The following SLC24A2 variants were observed in gnomAD, a reference collection of about 807,000 sequenced individuals.
The protein encoded by SLC24A2 is sodium/potassium/calcium exchanger 2.
Under a neutral mutation model 62.0 loss-of-function variants are expected in SLC24A2, and 36 were observed. That is an observed-to-expected ratio of 0.58 (90% CI 0.44 to 0.77). The LOEUF (loss-of-function observed/expected upper bound fraction) is 0.77, where lower values mean the gene tolerates loss of function less well. Among genes scored for constraint, SLC24A2 ranks in the 30% least tolerant of loss-of-function variants. The pLI is 0.00. For missense variants in SLC24A2, 846 were observed against 817.9 expected (o/e 1.03, Z -0.42); for synonymous variants, 358 against 294.0 (o/e 1.22, Z -2.23).
At chr9:20,102,800 C>T in the SLC24A2 span, among the ~76,000 whole-genome samples, 1 of 152,132 alleles carries the variant, frequency 6.6e-6, no homozygotes, top group Non-Finnish European at 1.5e-5. Flanking sequence ...GCATTTCCAT[C>T]TCAGGTACTG....
At chr9:20,112,408 T>C in the SLC24A2 span, among the ~76,000 whole-genome samples, 1 of 152,214 alleles carries the variant, frequency 6.6e-6, no homozygotes, top group South Asian at 2.1e-4. Flanking sequence ...GCAGATAGAC[T>C]TAAAGCCTTC....
chr9:19,767,642 A>C (rs1226745887), intron 2 of SLC24A2, among the ~76,000 whole-genome samples: 1 of 152,152 alleles, frequency 6.6e-6, no homozygotes, highest in Non-Finnish European at 1.5e-5. Context: ...GCACTGTCTA[A>C]CCAGTCCCAG....
the SLC24A2 span, among the ~76,000 whole-genome samples, chr9:20,080,072 A>T: frequency 5.3e-5 from 8 of 152,220 alleles, no homozygotes; most frequent in African/African-American, 1.9e-4. Context: ...TATAGATTCA[A>T]TGCCATCCCC....
At chr9:20,138,521 C>A in the SLC24A2 span, among the ~76,000 whole-genome samples, 1 of 152,036 alleles carries the variant, frequency 6.6e-6, no homozygotes, top group East Asian at 1.9e-4. Context: ...AAACAGATTC[C>A]AAAATGTTTT....
chr9:20,207,495 C>A, the SLC24A2 span, among the ~76,000 whole-genome samples: 1 of 152,204 alleles, frequency 6.6e-6, no homozygotes, highest in South Asian at 2.1e-4. Flanking sequence ...AATGAGGCAA[C>A]TCTATTCACT....
intron 2 of SLC24A2, among the ~76,000 whole-genome samples, chr9:19,633,126 T>C (rs1202850770): frequency 6.6e-6 from 1 of 152,228 alleles, no homozygotes; most frequent in African/African-American, 2.4e-5. Context: ...AGTTATTGTA[T>C]GTATCAACAA....
chr9:20,195,189 T>G, the SLC24A2 span, among the ~76,000 whole-genome samples: 1 of 152,222 alleles, frequency 6.6e-6, no homozygotes, highest in East Asian at 1.9e-4. Context: ...GATGGCTATT[T>G]GCATTGTTTC....
chr9:19,567,690 C>T (rs140142909), intron 7 of SLC24A2, among the ~76,000 whole-genome samples: 1 of 142,484 alleles, frequency 7.0e-6, no homozygotes, highest in Non-Finnish European at 1.5e-5. Context: ...TTAAAATAAC[C>T]AAAAAAAAAA....
At chr9:20,008,411 T>A in the SLC24A2 span, among the ~76,000 whole-genome samples, 2 of 152,164 alleles carry the variant, frequency 1.3e-5, no homozygotes. Flanking sequence ...TATTCTCTAT[T>A]GGTTTTAGAG....
chr9:19,959,150 T>C, the SLC24A2 span, among the ~76,000 whole-genome samples: 5 of 152,102 alleles, frequency 3.3e-5, no homozygotes, highest in South Asian at 2.1e-4. Context: ...CTAGAGATAA[T>C]TGGCAGAACA....
At chr9:19,758,161 G>A (rs1377666810) in intron 2 of SLC24A2, among the ~76,000 whole-genome samples, 1 of 152,100 alleles carries the variant, frequency 6.6e-6, no homozygotes, top group East Asian at 1.9e-4. Flanking sequence ...TTTGATCACT[G>A]CGTCTATGCT....
At chr9:20,026,390 T>C in the SLC24A2 span, among the ~76,000 whole-genome samples, 2 of 152,240 alleles carry the variant, frequency 1.3e-5, no homozygotes, top group African/African-American at 4.8e-5. Context: ...GCCTAGCACA[T>C]AGTAAGCACT....
the SLC24A2 span, among the ~76,000 whole-genome samples, chr9:20,087,874 G>A: frequency 4.6e-5 from 7 of 151,844 alleles, no homozygotes; most frequent in Non-Finnish European, 1.0e-4. Context: ...CTACCTGGGA[G>A]CAACATGGAT....
At chr9:19,869,466 G>GT in the SLC24A2 span, among the ~76,000 whole-genome samples, 1 of 152,140 alleles carries the variant, frequency 6.6e-6, no homozygotes, top group South Asian at 2.1e-4. Flanking sequence ...GACTACAATA[G>GT]TTTTTTGTCC....
At chr9:20,120,285 G>C in the SLC24A2 span, among the ~76,000 whole-genome samples, 1 of 151,968 alleles carries the variant, frequency 6.6e-6, no homozygotes, top group Non-Finnish European at 1.5e-5. Flanking sequence ...ATTCATAATA[G>C]CAAAGACATG....
the SLC24A2 span, among the ~76,000 whole-genome samples, chr9:19,892,911 C>G: frequency 6.6e-6 from 1 of 152,254 alleles, no homozygotes; most frequent in East Asian, 1.9e-4. Context: ...ATTTGTCTAA[C>G]AGGCTGCCCA....
At chr9:19,984,611 C>T in the SLC24A2 span, among the ~76,000 whole-genome samples, 1 of 152,130 alleles carries the variant, frequency 6.6e-6, no homozygotes, top group Non-Finnish European at 1.5e-5. Context: ...TAGGCTGAGG[C>T]AGGAGAATCT....
At chr9:20,009,957 A>G in the SLC24A2 span, among the ~76,000 whole-genome samples, 1 of 152,178 alleles carries the variant, frequency 6.6e-6, no homozygotes, top group African/African-American at 2.4e-5. Context: ...AGTCCATTGC[A>G]TGGCCATGCT....
chr9:19,893,781 T>C, the SLC24A2 span, among the ~76,000 whole-genome samples: 2 of 152,258 alleles, frequency 1.3e-5, no homozygotes, highest in East Asian at 3.9e-4. Context: ...GAGTTGTATT[T>C]TCCTCTCTCA....
Sources: allele counts gnomAD v4.1 joint callset (sites outside exome capture counted in the v4.1 genomes callset), GRCh38; gene constraint gnomAD v4.1.1; transcripts MANE v1.5; gene names NCBI Gene and HGNC (gene_info 2026-07-23, HGNC 2026-07-21).